DSCAML1: variants seen among roughly 807,000 people sequenced by gnomAD.
DSCAML1 encodes DS cell adhesion molecule like 1.
DSCAML1 carries 38 observed loss-of-function variants against 200.5 expected under a neutral mutation model. The ratio of observed to expected loss-of-function variants is 0.19; its 90% CI spans 0.15 to 0.25. The LOEUF is 0.25. DSCAML1 is among the 10% of genes least tolerant of loss of function. The pLI is 1.00. For missense variants in DSCAML1, 2,223 were observed against 2,858.8 expected (o/e 0.78, Z 5.07); for synonymous variants, 1,215 against 1,165.0 (o/e 1.04, Z -0.87).
At chr11:117,659,364 G>A (rs1478695783) in intron 3 of DSCAML1, among the ~76,000 whole-genome samples, 1 of 152,202 alleles carries the variant, frequency 6.6e-6, no homozygotes, top group African/African-American at 2.4e-5. Context: ...CACTAACAAT[G>A]TTCTTGTTTA....
intron 3 of DSCAML1, among the ~76,000 whole-genome samples, chr11:117,610,839 A>ACCC (rs1324433108): frequency 5.3e-5 from 3 of 57,096 alleles, no homozygotes; most frequent in Non-Finnish European, 7.4e-5. Flanking sequence ...AAACCAAAAC[A>ACCC]ACCCCCCCCC....
At chr11:117,675,456 C>G (rs2053192238) in intron 3 of DSCAML1, among the ~76,000 whole-genome samples, 1 of 149,010 alleles carries the variant, frequency 6.7e-6, no homozygotes, top group Non-Finnish European at 1.5e-5. Flanking sequence ...TGCCCCTATG[C>G]CTGGCTGATT....
intron 3 of DSCAML1, among the ~76,000 whole-genome samples, chr11:117,728,860 T>C (rs2054175602): frequency 6.6e-6 from 1 of 152,196 alleles, no homozygotes; most frequent in African/African-American, 2.4e-5. Context: ...ATGGCAGTAC[T>C]CCCCAAATTG....
At chr11:117,589,030 G>C (rs77974426) in intron 3 of DSCAML1, among the ~76,000 whole-genome samples, 1 of 152,184 alleles carries the variant, frequency 6.6e-6, no homozygotes, top group East Asian at 1.9e-4. Context: ...AAAACAAGGC[G>C]TGGGTTTCGG....
chr11:117,688,840 CT>C (rs2053450982), intron 3 of DSCAML1, among the ~76,000 whole-genome samples: 1 of 152,206 alleles, frequency 6.6e-6, no homozygotes, highest in Non-Finnish European at 1.5e-5. Flanking sequence ...CTTCTTTTCC[CT>C]TTTTAACCAA....
At chr11:117,558,520 C>CTT (rs2050600658) in intron 3 of DSCAML1, among the ~76,000 whole-genome samples, 1 of 152,162 alleles carries the variant, frequency 6.6e-6, no homozygotes, top group Non-Finnish European at 1.5e-5. Flanking sequence ...AATTCCAACA[C>CTT]TTTGGGAAGC....
At chr11:117,710,225 CGTA>C (rs1297881077) in intron 3 of DSCAML1, among the ~76,000 whole-genome samples, 17 of 152,192 alleles carry the variant, frequency 1.1e-4, no homozygotes, top group African/African-American at 4.1e-4. Flanking sequence ...TAAAAATCTA[CGTA>C]GTAATTTCAG....
At chr11:117,626,426 C>A (rs1046228525) in intron 3 of DSCAML1, among the ~76,000 whole-genome samples, 1 of 152,180 alleles carries the variant, frequency 6.6e-6, no homozygotes, top group Non-Finnish European at 1.5e-5. Flanking sequence ...GTGCTCCACT[C>A]CTCTTAATCC....
intron 3 of DSCAML1, among the ~76,000 whole-genome samples, chr11:117,759,344 T>C (rs1262978544): frequency 2.0e-5 from 3 of 152,132 alleles, no homozygotes; most frequent in Non-Finnish European, 4.4e-5. Context: ...TGTTTCAGGA[T>C]ACATTGGAAC....
At chr11:117,670,300 C>T (rs186977894) in intron 3 of DSCAML1, among the ~76,000 whole-genome samples, 8 of 152,200 alleles carry the variant, frequency 5.3e-5, no homozygotes, top group African/African-American at 1.9e-4. Context: ...CCACCACTGC[C>T]GCCCCCCAGA....
intron 3 of DSCAML1, among the ~76,000 whole-genome samples, chr11:117,747,800 CAG>C (rs2137859000): frequency 6.6e-6 from 1 of 152,272 alleles, no homozygotes; most frequent in South Asian, 2.1e-4. Context: ...CTGTGTGGGG[CAG>C]AGTTTTATAA....
At chr11:117,655,739 G>C (rs952560788) in intron 3 of DSCAML1, among the ~76,000 whole-genome samples, 12 of 152,182 alleles carry the variant, frequency 7.9e-5, no homozygotes, top group East Asian at 5.8e-4. Flanking sequence ...TGAGGATTTT[G>C]TTTAATCTCA....
intron 3 of DSCAML1, among the ~76,000 whole-genome samples, chr11:117,759,435 G>A (rs1003129557): frequency 6.6e-6 from 1 of 152,336 alleles, no homozygotes; most frequent in East Asian, 1.9e-4. Context: ...GACACCCTCT[G>A]TTCTCCGACC....
intron 3 of DSCAML1, among the ~76,000 whole-genome samples, chr11:117,737,073 T>C (rs1448910001): frequency 6.6e-6 from 1 of 152,166 alleles, no homozygotes; most frequent in Non-Finnish European, 1.5e-5. Flanking sequence ...AGGTGAGAGA[T>C]CTGCTGTTCC....
intron 3 of DSCAML1, among the ~76,000 whole-genome samples, chr11:117,658,390 A>T (rs1191009270): frequency 6.6e-6 from 1 of 152,198 alleles, no homozygotes; most frequent in East Asian, 1.9e-4. Context: ...GATGGAGTTC[A>T]ACTCCTTCAT....
chr11:117,621,453 A>G (rs1411659949), intron 3 of DSCAML1, among the ~76,000 whole-genome samples: 1 of 152,222 alleles, frequency 6.6e-6, no homozygotes, highest in Non-Finnish European at 1.5e-5. Context: ...GCAGCAGATC[A>G]GCTCTATCAG....
chr11:117,545,131 G>A (rs577817658), intron 3 of DSCAML1, among the ~76,000 whole-genome samples: 110 of 152,190 alleles, frequency 7.2e-4, no homozygotes, highest in South Asian at 5.2e-3. Context: ...TCGGGAGGCC[G>A]AGGCAGGAGA....
At chr11:117,653,336 G>T (rs1193477960) in intron 3 of DSCAML1, among the ~76,000 whole-genome samples, 1 of 152,168 alleles carries the variant, frequency 6.6e-6, no homozygotes, top group Non-Finnish European at 1.5e-5. Flanking sequence ...CTCCCGTGGA[G>T]GCCAGCACTG....
intron 3 of DSCAML1, among the ~76,000 whole-genome samples, chr11:117,701,510 G>C (rs1212065205): frequency 6.6e-6 from 1 of 152,168 alleles, no homozygotes; most frequent in South Asian, 2.1e-4. Flanking sequence ...GATGCATCTG[G>C]AGGTACACAG....
Sources: allele counts gnomAD v4.1 joint callset (sites outside exome capture counted in the v4.1 genomes callset), GRCh38; gene constraint gnomAD v4.1.1; transcripts MANE v1.5; gene names NCBI Gene and HGNC (gene_info 2026-07-23, HGNC 2026-07-21).